The following PTP4A3 variants were observed in gnomAD, a reference collection of about 807,000 sequenced individuals.
PTP4A3 encodes the protein protein tyrosine phosphatase 4A3.
In PTP4A3, 9 loss-of-function variants were observed where a neutral mutation model predicts 15.2. The ratio of observed to expected loss-of-function variants is 0.59; its 90% CI spans 0.36 to 1.03. The LOEUF is 1.03. Among genes scored for constraint, PTP4A3 ranks in the 50% least tolerant of loss-of-function variants. PTP4A3 has a pLI of 0.02. For synonymous variants in PTP4A3, 95 were observed against 102.0 expected (o/e 0.93, Z 0.41); for missense variants, 234 against 252.1 (o/e 0.93, Z 0.49).
intron 1 of PTP4A3, among the ~76,000 whole-genome samples, chr8:141,412,334 C>T (rs1249870521): frequency 6.6e-6 from 1 of 152,216 alleles, no homozygotes; most frequent in African/African-American, 2.4e-5. Context: ...CAGCTCCCCA[C>T]CTCCCAAGTG....
intron 1 of PTP4A3, among the ~76,000 whole-genome samples, chr8:141,416,980 C>A (rs556630110): frequency 6.6e-6 from 1 of 152,158 alleles, no homozygotes; most frequent in Non-Finnish European, 1.5e-5. Flanking sequence ...CCACCCTTGC[C>A]GCTCCACCCT....
At chr8:141,411,202 C>T (rs887349611) in intron 1 of PTP4A3, among the ~76,000 whole-genome samples, 72 of 152,326 alleles carry the variant, frequency 4.7e-4, no homozygotes, top group Non-Finnish European at 8.2e-4. Flanking sequence ...GTTTCAGGGA[C>T]GAGGTCTGGT....
chr8:141,408,628 A>G (rs1832791295), intron 1 of PTP4A3, among the ~76,000 whole-genome samples: 1 of 152,108 alleles, frequency 6.6e-6, no homozygotes, highest in Non-Finnish European at 1.5e-5. Context: ...AAAAAAAAAA[A>G]AAAGACTAAA....
chr8:141,420,076 A>G (rs937859251), intron 1 of PTP4A3, among the ~76,000 whole-genome samples: 9 of 152,142 alleles, frequency 5.9e-5, no homozygotes, highest in African/African-American at 1.9e-4. Context: ...CTGAAGCTCC[A>G]AGGGCCCAGC....
At position 141,425,549 on chromosome 8, in the gene PTP4A3, C is replaced by G. The variant is rs926791343; in HGVS notation, c.198+409C>G. Reference sequence around the variant, plus strand: ...CAGGCTCCTGGGGAGGGCCCTTGGGCAGTTTCCTCGGCTTCTTTGGCCCTG... The same window carrying G: ...CAGGCTCCTGGGGAGGGCCCTTGGGGAGTTTCCTCGGCTTCTTTGGCCCTG... On this transcript the variant is annotated intron_variant, in intron 3 of 5. Coordinates refer to ENST00000521578, the MANE Select transcript of PTP4A3 (RefSeq NM_032611.3). This position sits in a 1 kb window ranked among gnomAD's most constrained non-coding sequence, Gnocchi z 4.2. Among the ~76,000 whole-genome samples, 1 of 139,896 alleles carries G rather than the reference C, an allele frequency of 7.1e-6. No homozygotes were observed. The highest frequency in any genetic ancestry group is 2.7e-5 in the African/African-American group (1 of 36,688). 91.8% of individuals were successfully genotyped at this position (139,896 alleles called of 152,430 possible).
intron 1 of PTP4A3, among the ~76,000 whole-genome samples, chr8:141,413,670 G>A (rs1832930841): frequency 6.6e-6 from 1 of 152,246 alleles, no homozygotes; most frequent in African/African-American, 2.4e-5. Context: ...TGTGAGTGGG[G>A]CACCTGGTCT....
intron 5 of PTP4A3, among the ~76,000 whole-genome samples, chr8:141,429,193 G>A (rs568362188): frequency 8.5e-5 from 13 of 152,382 alleles, no homozygotes; most frequent in African/African-American, 3.1e-4. Context: ...CTTCCCCAGT[G>A]TGCCGGCTGC....
intron 1 of PTP4A3, among the ~76,000 whole-genome samples, chr8:141,394,312 C>T (rs1832382771): frequency 6.6e-6 from 1 of 152,140 alleles, no homozygotes; most frequent in Non-Finnish European, 1.5e-5. Context: ...GGTGATTTTT[C>T]GCCCCCCAAG....
At chr8:141,428,149 C>A (rs565744470) in intron 5 of PTP4A3, among the ~76,000 whole-genome samples, 1 of 152,232 alleles carries the variant, frequency 6.6e-6, no homozygotes, top group African/African-American at 2.4e-5. Context: ...CCAGTTCAGT[C>A]CCTCCATGAA....
rs1432153394 is a variant in PTP4A3 at position 141,430,795 on chromosome 8, G to A, written c.405-132G>A. 3 of 790,254 alleles carry A rather than the reference G, an allele frequency of 3.8e-6. No homozygotes were observed. The African/African-American group carries it at 5.2e-5, about 14-fold the overall frequency. The allele number at this position is 790,254 out of a possible 1,614,324, so 49.0% of individuals were successfully genotyped here. A position where few individuals can be genotyped will look rare whatever the true frequency, so the allele number is the denominator to read the frequency against. On this transcript the variant is annotated intron_variant, in intron 5 of 5. Transcript: ENST00000521578. ...GGGAGCAGCCGTGCCAAGGCCCTGG[G>A]ACAGGAGGGGCTTGGCCAGCCTCAA...
Position 141,422,250 on chromosome 8 carries a change from A to G in PTP4A3, c.10A>G (p.Met4Val). Residue 4 changes from methionine to valine, a missense_variant, in exon 2 of 6, where the codon ATG (methionine) becomes GTG (valine). Physicochemically the swap from Met to Val is conservative, Grantham distance 21. Transcript: ENST00000521578. ...CCCGTCGGGAGGCGCCATGGCTCGGATGAACCGCCCGGCCCCGGTGGAGGT... is the reference window on the plus strand; with the variant it reads ...CCCGTCGGGAGGCGCCATGGCTCGGGTGAACCGCCCGGCCCCGGTGGAGGT... MARMNRPAPVEVSY... is the reference protein window; with the variant it reads MARVNRPAPVEVSY... 6.2e-7 allele frequency: 1 copy of G among 1,612,856 alleles called. No individual in the cohort carries two copies. Among genetic ancestry groups the G allele is most frequent in the Non-Finnish European group, 8.5e-7 (1 of 1,179,966 alleles).
At position 141,431,907 on chromosome 8, in the gene PTP4A3, G is replaced by C. The variant is rs972164990; in HGVS notation, c.*863G>C. Reference sequence around the variant, plus strand: ...ACCAGGTGTCCACATTTCCGGCTCCGAGGCGCAGAGAAGGGGGCAGGTGGT... The same window carrying C: ...ACCAGGTGTCCACATTTCCGGCTCCCAGGCGCAGAGAAGGGGGCAGGTGGT... On this transcript the variant is annotated 3_prime_UTR_variant, in exon 6 of 6. Transcript: ENST00000521578. 2 of 152,358 alleles carry C rather than the reference G, an allele frequency of 1.3e-5. No individual in the cohort carries two copies. The highest frequency in any genetic ancestry group is 1.3e-4 in the Admixed American group (2 of 15,288). The allele number at this position is 152,358 out of a possible 1,614,324, so 9.4% of individuals were successfully genotyped here.
intron 1 of PTP4A3, among the ~76,000 whole-genome samples, chr8:141,414,521 G>A (rs1376569788): frequency 1.3e-5 from 2 of 152,064 alleles, no homozygotes; most frequent in Non-Finnish European, 2.9e-5. Context: ...GGTGGCAGGT[G>A]TGTGAGTCTC....
chr8:141,424,764 G>A (rs999427443), intron 2 of PTP4A3, among the ~76,000 whole-genome samples: 2 of 152,008 alleles, frequency 1.3e-5, no homozygotes, highest in South Asian at 2.1e-4. Context: ...ACACTACCTC[G>A]ACCAGTAGTG....
chr8:141,393,367 C>T (rs1832347738), intron 1 of PTP4A3, among the ~76,000 whole-genome samples: 1 of 152,208 alleles, frequency 6.6e-6, no homozygotes, highest in Non-Finnish European at 1.5e-5. Context: ...ACCACGCCGG[C>T]CCCCCTCACT....
chr8:141,399,923 T>C (rs1832543294), intron 1 of PTP4A3, among the ~76,000 whole-genome samples: 1 of 152,254 alleles, frequency 6.6e-6, no homozygotes, highest in Non-Finnish European at 1.5e-5. Flanking sequence ...TTTCTCTTTT[T>C]TGAGACGGAG....
At chr8:141,420,552 A>G (rs1210183338) in intron 1 of PTP4A3, among the ~76,000 whole-genome samples, 1 of 152,114 alleles carries the variant, frequency 6.6e-6, no homozygotes, top group Non-Finnish European at 1.5e-5. Flanking sequence ...TCCCCTCTTC[A>G]GGGCCCTGTC....
At chr8:141,401,347 C>T (rs114053463) in intron 1 of PTP4A3, among the ~76,000 whole-genome samples, 2,049 of 152,238 alleles carry the variant, frequency 0.013, 45 homozygotes, top group African/African-American at 0.046. Context: ...GCCAGAGAGA[C>T]GGGAGTCTCT....
intron 1 of PTP4A3, among the ~76,000 whole-genome samples, chr8:141,404,084 C>T (rs562384206): frequency 1.8e-4 from 28 of 152,382 alleles, no homozygotes; most frequent in Admixed American, 2.6e-4. Context: ...CACGGCGACA[C>T]GCCTGTTCAC....
Sources: gnomAD v4.1 joint callset for allele counts (sites outside exome capture counted in the v4.1 genomes callset) on GRCh38, gnomAD v4.1.1 for gene constraint, Gnocchi (gnomAD v3.1) non-coding constraint, MANE v1.5 for transcripts, NCBI Gene and HGNC (gene_info 2026-07-23, HGNC 2026-07-21) for gene names.